GFRAL: variants seen among roughly 807,000 people sequenced by gnomAD.
GFRAL encodes GDNF family receptor alpha like, also known as GDNF family receptor alpha-like.
Under a neutral mutation model 45.4 loss-of-function variants are expected in GFRAL, and 36 were observed. That is an observed-to-expected ratio of 0.79 (90% confidence interval 0.61 to 1.05). The LOEUF (loss-of-function observed/expected upper bound fraction) is 1.05, where lower values mean the gene tolerates loss of function less well. Among genes scored for constraint, GFRAL ranks in the 50% least tolerant of loss-of-function variants. The pLI is 0.00. For synonymous variants in GFRAL, 166 were observed against 154.1 expected, an observed-to-expected ratio of 1.08 and a Z score of -0.57; for missense variants, 507 against 467.5, an observed-to-expected ratio of 1.08 and a Z score of -0.78.
At chr6:55,352,684 T>G (rs926346342) in intron 5 of GFRAL, among the ~76,000 whole-genome samples, 55 of 152,178 alleles carry the variant, frequency 3.6e-4, no homozygotes, top group African/African-American at 1.2e-3. Context: ...AGATGGAGTC[T>G]TTTTTGGAGT....
chr6:55,353,426 A>G (rs185433742), intron 5 of GFRAL, among the ~76,000 whole-genome samples: 1 of 152,184 alleles, frequency 6.6e-6, no homozygotes, highest in Admixed American at 6.6e-5. Flanking sequence ...ATTCTATGAA[A>G]TAAGTGGTAA....
intron 3 of GFRAL, among the ~76,000 whole-genome samples, chr6:55,344,776 G>C (rs191785166): frequency 6.6e-6 from 1 of 152,294 alleles, no homozygotes; most frequent in East Asian, 1.9e-4. Context: ...TGACATGACT[G>C]TATATTTAGA....
intron 3 of GFRAL, among the ~76,000 whole-genome samples, chr6:55,349,199 A>G (rs1338291351): frequency 6.6e-6 from 1 of 152,098 alleles, no homozygotes; most frequent in Non-Finnish European, 1.5e-5. Context: ...CTGGGGGTAG[A>G]AGTAAGTTTC....
intron 5 of GFRAL, among the ~76,000 whole-genome samples, chr6:55,358,381 A>G (rs1015974102): frequency 3.3e-5 from 5 of 152,110 alleles, no homozygotes; most frequent in Middle Eastern, 3.4e-3. Flanking sequence ...AAATACATAC[A>G]GAAATTTTAT....
At chr6:55,347,198 G>T (rs1000692316) in intron 3 of GFRAL, among the ~76,000 whole-genome samples, 6 of 151,996 alleles carry the variant, frequency 3.9e-5, no homozygotes, top group African/African-American at 1.4e-4. Context: ...GATTGGGAGT[G>T]AATAAAAAGA....
At position 55,351,579 on chromosome 6, in the gene GFRAL, T is replaced by C. The variant is rs746762126; in HGVS notation, c.697T>C (p.Cys233Arg). The C allele has an allele frequency of 4.4e-6, 7 of 1,595,208 alleles. No individual in the cohort carries two copies. Among genetic ancestry groups the C allele is most frequent in the Non-Finnish European group, 6.0e-6 (7 of 1,165,694 alleles). ...TCGCAGCTGCCAAAATGATGAATTATGCAGGTGGGTAAAAACACTCATACC... is the reference window on the plus strand; with the variant it reads ...TCGCAGCTGCCAAAATGATGAATTACGCAGGTGGGTAAAAACACTCATACC... The part of the protein sequence containing the change: ...VIRSCQNDEL[C>R]RRHYRTFQSK... The change falls in exon 5 of 9, where the codon TGC (cysteine) becomes CGC (arginine). Residue 233 changes from cysteine (C) to arginine (R), a missense_variant. Transcript: ENST00000340465.
At chr6:55,400,477 A>G (rs1768881870) in intron 8 of GFRAL, among the ~76,000 whole-genome samples, 1 of 152,178 alleles carries the variant, frequency 6.6e-6, no homozygotes, top group African/African-American at 2.4e-5. Flanking sequence ...TTAGGCAAAT[A>G]AAAGACTGGC....
At chr6:55,374,672 G>C (rs1458185059) in intron 6 of GFRAL, among the ~76,000 whole-genome samples, 2 of 151,950 alleles carry the variant, frequency 1.3e-5, no homozygotes, top group African/African-American at 4.8e-5. Flanking sequence ...GCAATTGCTT[G>C]TGGTGTTTTC....
rs780164083 is a variant in GFRAL, at chr6:55,399,437, C to G, written c.1117C>G (p.Leu373Val). Residue 373 changes from leucine (L) to valine (V), a missense_variant, in exon 8 of 9, where the codon CTT becomes GTT. By Grantham distance (32) the Leu-to-Val change is conservative. Transcript: ENST00000340465. The part of the protein sequence containing the change: ...CGILLLVMVK[L>V]RTSRISSKAR... ...AATCCTTCTGTTGGTTATGGTCAAG[C>G]TTAGGTAACTGAATATAAATTAGAA... 6.3e-6 allele frequency: 10 copies of G among 1,595,364 alleles called. No homozygotes were observed. Among genetic ancestry groups the G allele is most frequent in the Non-Finnish European group, 7.7e-6 (9 of 1,163,070 alleles).
chr6:55,348,133 G>C (rs1768067605), intron 3 of GFRAL, among the ~76,000 whole-genome samples: 5 of 151,934 alleles, frequency 3.3e-5, no homozygotes, highest in South Asian at 2.1e-4. Flanking sequence ...TAACTCACAT[G>C]TAGGTCTTAT....
At chr6:55,363,188 C>A (rs1214448586) in intron 6 of GFRAL, among the ~76,000 whole-genome samples, 2 of 151,878 alleles carry the variant, frequency 1.3e-5, no homozygotes. Flanking sequence ...CAGAAATAAT[C>A]CCATTCTCAA....
intron 6 of GFRAL, among the ~76,000 whole-genome samples, chr6:55,390,821 G>C (rs11754796): frequency 4.0e-5 from 6 of 151,872 alleles, no homozygotes; most frequent in Non-Finnish European, 7.4e-5. Context: ...CTGGGAGGCA[G>C]AGATTGCAGT....
chr6:55,345,200 G>T (rs1484886548), intron 3 of GFRAL, among the ~76,000 whole-genome samples: 1 of 152,054 alleles, frequency 6.6e-6, no homozygotes, highest in East Asian at 1.9e-4. Context: ...ACTTTAAAAA[G>T]TTCATATGGA....
At chr6:55,395,175 A>AAAATATATATATATAT in intron 6 of GFRAL, among the ~76,000 whole-genome samples, 32 of 123,486 alleles carry the variant, frequency 2.6e-4, no homozygotes, top group African/African-American at 9.0e-4. Flanking sequence ...AAAAAAAAAA[A>AAAATATATATATATAT]ATATATATAT....
intron 6 of GFRAL, among the ~76,000 whole-genome samples, chr6:55,398,924 T>C (rs1768860821): frequency 6.6e-6 from 1 of 152,134 alleles, no homozygotes; most frequent in Non-Finnish European, 1.5e-5. Context: ...CAATGATTTA[T>C]GTTATAAAAT....
At chr6:55,349,438 G>C (rs1050843708) in intron 3 of GFRAL, among the ~76,000 whole-genome samples, 2 of 151,948 alleles carry the variant, frequency 1.3e-5, no homozygotes, top group Non-Finnish European at 2.9e-5. Flanking sequence ...TTTTGGCTTT[G>C]TTTTATATGT....
intron 3 of GFRAL, among the ~76,000 whole-genome samples, chr6:55,344,610 A>G (rs1768013718): frequency 1.3e-5 from 2 of 152,352 alleles, no homozygotes; most frequent in Non-Finnish European, 1.5e-5. Flanking sequence ...AACTGGAAGC[A>G]TTCCCTTTGA....
intron 6 of GFRAL, among the ~76,000 whole-genome samples, chr6:55,395,655 T>C (rs16886688): frequency 0.19 from 28,239 of 151,856 alleles, 4,262 homozygotes; most frequent in African/African-American, 0.42. Context: ...CTGACATTTA[T>C]TTCTAAATCA....
chr6:55,378,938 G>T (rs140261697), intron 6 of GFRAL, among the ~76,000 whole-genome samples: 2 of 151,844 alleles, frequency 1.3e-5, no homozygotes, highest in African/African-American at 2.4e-5. Flanking sequence ...TAACAGATCC[G>T]ATAATATCCA....
Sources: allele counts gnomAD v4.1 joint callset (sites outside exome capture counted in the v4.1 genomes callset), GRCh38; gene constraint gnomAD v4.1.1; transcripts MANE v1.5; gene names NCBI Gene and HGNC (gene_info 2026-07-23, HGNC 2026-07-21).